Variants in ANKAR observed in about 807,000 individuals in gnomAD.
ANKAR encodes the protein ankyrin and armadillo repeat containing, also known as ankyrin and armadillo repeat-containing protein.
In ANKAR, 136 loss-of-function variants were observed where a neutral mutation model predicts 146.2. The ratio of observed to expected loss-of-function variants is 0.93; its 90% CI spans 0.81 to 1.07. ANKAR has a LOEUF of 1.07. ANKAR is among the 50% of genes least tolerant of loss of function. The pLI, the probability that ANKAR is intolerant of heterozygous loss-of-function variation, is 0.00. For missense variants in ANKAR, 1,567 were observed against 1,679.9 expected (o/e 0.93, Z 1.18); for synonymous variants, 500 against 575.8 (o/e 0.87, Z 1.88).
intron 4 of ANKAR, 115 bp downstream of exon 4, chr2:189,692,533 C>A: frequency 1.2e-6 from 1 of 859,598 alleles, no homozygotes; most frequent in Non-Finnish European, 1.7e-6. Flanking sequence ...AATGATTATT[C>A]TCACAACTCA....
chr2:189,688,262 A>G (rs1341432770), intron 2 of ANKAR, among the ~76,000 whole-genome samples: 1 of 152,122 alleles, frequency 6.6e-6, no homozygotes, highest in African/African-American at 2.4e-5. Context: ...GTTGAAAATG[A>G]GTTCATTGTA....
At chr2:189,728,491 G>A in intron 14 of ANKAR, 71 bp downstream of exon 14, 1 of 1,504,852 alleles carries the variant, frequency 6.6e-7, no homozygotes, top group Non-Finnish European at 8.9e-7. Flanking sequence ...AGCCTGGTGT[G>A]CAGTGGCACA....
chr2:189,762,715 G>C, downstream of ANKAR: 11 of 985,418 alleles, frequency 1.1e-5, no homozygotes, highest in Non-Finnish European at 1.2e-5. Flanking sequence ...GCTAGCACTT[G>C]TCTCCTTTCC....
At position 189,728,348 on chromosome 2, in the gene ANKAR, A is replaced by T; in HGVS notation, c.2959A>T (p.Met987Leu). Residue 987 changes from methionine (M) to leucine (L), a missense_variant, in exon 14 of 23, where the codon ATG becomes TTG. Met to Leu is a conservative substitution (Grantham distance 15, BLOSUM62 2). Coordinates refer to ENST00000684021, the MANE Select transcript of ANKAR (RefSeq NM_001378068.1). ...ACAAACACTAAAACAACAAAAATATATGGCAGAACAAATTGGATACAGCTT... is the reference window on the plus strand; with the variant it reads ...ACAAACACTAAAACAACAAAAATATTTGGCAGAACAAATTGGATACAGCTT... Reference protein sequence around the residue: ...AGQTLKQQKYMAEQIGYSFII... With the variant: ...AGQTLKQQKYLAEQIGYSFII... 6.2e-7 allele frequency: 1 copy of T among 1,613,436 alleles called. No individual in the cohort carries two copies. The highest frequency in any genetic ancestry group is 8.5e-7 in the Non-Finnish European group (1 of 1,179,768).
chr2:189,755,562 T>TGAAA (rs774331405), intron 18 of ANKAR: 1 of 1,576,334 alleles, frequency 6.3e-7, no homozygotes. Flanking sequence ...CCACCTGTTC[T>TGAAA]GAAAGAAAGA....
chr2:189,689,688 C>T lies in ANKAR; in HGVS notation c.763C>T (p.Gln255Ter). 1 of 1,613,514 alleles carries T rather than the reference C, an allele frequency of 6.2e-7. No homozygotes were observed. Among genetic ancestry groups the T allele is most frequent in the South Asian group, 1.1e-5 (1 of 91,016 alleles). The change falls in exon 3 of 23, where the codon CAA becomes TAA. Residue 255 changes from glutamine to a stop codon, truncating the protein, a stop_gained. Coordinates refer to ENST00000684021, the MANE Select transcript of ANKAR (RefSeq NM_001378068.1). LOFTEE classifies it high-confidence loss of function. ...GTTAACATTCAGTACCACACAAATTCAACAGTATGAAAATGTCTTTATATT... is the reference window on the plus strand; with the variant it reads ...GTTAACATTCAGTACCACACAAATTTAACAGTATGAAAATGTCTTTATATT... ...LKLTFSTTQI[Q>*]QYENVFIFET...
chr2:189,676,463 A>G lies in ANKAR; in HGVS notation c.-28A>G. 6.6e-7 allele frequency: 1 copy of G among 1,508,390 alleles called. No individual in the cohort carries two copies. The highest frequency in any genetic ancestry group is 8.8e-7 in the Non-Finnish European group (1 of 1,130,840). 93.4% of individuals were successfully genotyped at this position (1,508,390 alleles called of 1,614,324 possible). On this transcript the variant is annotated 5_prime_UTR_variant, in exon 2 of 23. Transcript: ENST00000684021. Reference sequence around the variant, plus strand: ...CCTTCTTATTCATTGCAGAAGCTTCAAAAAGGACACACTAGATTTAATTAG... The same window carrying G: ...CCTTCTTATTCATTGCAGAAGCTTCGAAAAGGACACACTAGATTTAATTAG...
At chr2:189,755,006 A>C in intron 18 of ANKAR, 1 of 732,934 alleles carries the variant, frequency 1.4e-6, no homozygotes, top group East Asian at 2.8e-5. Context: ...AAGAATTATA[A>C]AATTGTGTAC....
intron 2 of ANKAR, among the ~76,000 whole-genome samples, chr2:189,677,784 T>G (rs932711259): frequency 6.6e-6 from 1 of 152,092 alleles, no homozygotes; most frequent in Admixed American, 6.5e-5. Flanking sequence ...GTGCTAGGAT[T>G]ACAGACATGT....
intron 9 of ANKAR, 66 bp downstream of exon 9, chr2:189,707,212 AAGAG>A: frequency 1.2e-6 from 1 of 825,664 alleles, no homozygotes; most frequent in Non-Finnish European, 1.7e-6. Flanking sequence ...GATACTCTGA[AAGAG>A]AGAAAATAAA....
Position 189,719,588 on chromosome 2 carries a change from A to C in ANKAR, c.2241A>C (p.Leu747Phe). The C allele has an allele frequency of 3.7e-6, 6 of 1,610,780 alleles. No homozygotes were observed. The highest frequency in any genetic ancestry group is 5.1e-6 in the Non-Finnish European group (6 of 1,177,622). The stretch of plus-strand genomic sequence containing the variant: ...TCATTACAGGCACCATTCCTGCCTT[A>C]ATCAATCTATTAAAAAGTTCCAAAA... Reference protein sequence around the residue: ...CILDAGTIPALINLLKSSKIK... With the variant: ...CILDAGTIPAFINLLKSSKIK... The change falls in exon 11 of 23, where the codon TTA (leucine) becomes TTC (phenylalanine). Residue 747 changes from leucine (L) to phenylalanine (F), a missense_variant. Coordinates refer to ENST00000684021, the MANE Select transcript of ANKAR (RefSeq NM_001378068.1).
chr2:189,687,889 A>G (rs77790869), intron 2 of ANKAR, among the ~76,000 whole-genome samples: 3 of 151,904 alleles, frequency 2.0e-5, no homozygotes, highest in Non-Finnish European at 2.9e-5. Context: ...GTTTGCAAAT[A>G]TTTTCTCCCA....
chr2:189,743,077 A>G (rs1313416744), intron 20 of ANKAR, among the ~76,000 whole-genome samples, 198 bp from the exon 21 acceptor site: 2 of 152,046 alleles, frequency 1.3e-5, no homozygotes, highest in Non-Finnish European at 2.9e-5. Flanking sequence ...AACCACTAGA[A>G]ATCAATGGCA....
chr2:189,750,644 TC>T, downstream of ANKAR: 1 of 1,583,426 alleles, frequency 6.3e-7, no homozygotes, highest in East Asian at 2.3e-5. Context: ...ATATGTCTAC[TC>T]CAAGAGGACA....
In ANKAR at chr2:189,737,694, A is replaced by C; in HGVS notation, c.3435A>C (p.Leu1145Phe). The C allele has an allele frequency of 6.3e-7, 1 of 1,587,082 alleles. No homozygotes were observed. The highest frequency in any genetic ancestry group is 1.2e-5 in the South Asian group (1 of 84,810). Residue 1145 changes from leucine to phenylalanine, a missense_variant, in exon 18 of 23, where the codon TTA (leucine) becomes TTC (phenylalanine). By Grantham distance (22) the Leu-to-Phe change is conservative. Coordinates refer to ENST00000684021, the MANE Select transcript of ANKAR (RefSeq NM_001378068.1). ...TCTCCTATTTTTAGGATATTTGCTT[A>C]AGAGCAGGCTATGCATTAACACTTT... The part of the protein sequence containing the change: ...LLHSTEKDIC[L>F]RAGYALTLFA...
intron 16 of ANKAR, 28 bp downstream of exon 16, chr2:189,730,629 A>G: frequency 8.3e-7 from 1 of 1,209,466 alleles, no homozygotes. Flanking sequence ...GTTTTCTGAT[A>G]TGGTAAAAAT....
chr2:189,684,636 C>T (rs1352185302), intron 2 of ANKAR, among the ~76,000 whole-genome samples: 1 of 151,886 alleles, frequency 6.6e-6, no homozygotes. Flanking sequence ...AGGTGGTTCG[C>T]TTTAGCTCAG....
downstream of ANKAR, chr2:189,750,732 G>C: frequency 9.9e-7 from 1 of 1,010,234 alleles, no homozygotes; most frequent in Non-Finnish European, 1.4e-6. Flanking sequence ...TATTTGCTTA[G>C]AATTCTGATG....
chr2:189,716,509 A>G (rs2040479078), intron 10 of ANKAR, among the ~76,000 whole-genome samples: 1 of 152,138 alleles, frequency 6.6e-6, no homozygotes, highest in African/African-American at 2.4e-5. Context: ...AAATGGCCAT[A>G]CTGCCCAAGG....
Sources: gnomAD v4.1 joint callset for allele counts (sites outside exome capture counted in the v4.1 genomes callset) on GRCh38, gnomAD v4.1.1 for gene constraint, MANE v1.5 for transcripts, NCBI Gene and HGNC (gene_info 2026-07-23, HGNC 2026-07-21) for gene names.